WSCD1: variants seen among roughly 807,000 people sequenced by gnomAD.
WSCD1 encodes WSC domain sialate O sulfotransferase 1, also known as sialate:O-sulfotransferase 1.
Under a neutral mutation model 60.4 loss-of-function variants are expected in WSCD1, and 41 were observed. The ratio of observed to expected loss-of-function variants is 0.68; its 90% CI spans 0.53 to 0.88. The LOEUF is 0.88. Among genes scored for constraint, WSCD1 ranks in the 40% least tolerant of loss-of-function variants. The pLI is 0.00. For synonymous variants in WSCD1, 361 were observed against 332.5 expected (o/e 1.09, Z -0.93); for missense variants, 784 against 796.2 (o/e 0.98, Z 0.18).
At position 6,120,716 on chromosome 17, in the gene WSCD1, T is replaced by C; in HGVS notation, c.*55T>C. The C allele has an allele frequency of 6.5e-7, 1 of 1,537,988 alleles. No individual in the cohort carries two copies. The highest frequency in any genetic ancestry group is 2.3e-5 in the East Asian group (1 of 44,192). On this transcript the variant is annotated 3_prime_UTR_variant, in exon 9 of 9. Coordinates refer to ENST00000317744, the MANE Select transcript of WSCD1 (RefSeq NM_015253.2). The stretch of plus-strand genomic sequence containing the variant: ...GAGTGACGCAATCGCACCACGGGGC[T>C]GCGCTCCCCACTCTGATGCTCAGGC...
chr17:6,100,863 G>T (rs1910756844), intron 5 of WSCD1, among the ~76,000 whole-genome samples: 1 of 152,200 alleles, frequency 6.6e-6, no homozygotes, highest in Admixed American at 6.5e-5. Context: ...CCCAGTCATG[G>T]CCCATATCCC....
At chr17:6,106,565 A>G (rs1597367067) in intron 5 of WSCD1, among the ~76,000 whole-genome samples, 1 of 152,242 alleles carries the variant, frequency 6.6e-6, no homozygotes, top group Admixed American at 6.5e-5. Flanking sequence ...AAACGAATCC[A>G]TGGTGATAGA....
chr17:6,088,786 C>CTTT (rs35155693), intron 3 of WSCD1, among the ~76,000 whole-genome samples: 6,904 of 139,436 alleles, frequency 0.05, 614 homozygotes, highest in African/African-American at 0.17. Flanking sequence ...TTTTTTTCAC[C>CTTT]TTTTTTTTTT....
rs144010064 is a variant in WSCD1 at position 6,103,397 on chromosome 17, T to C, written c.850-6210T>C. 4.1e-3 allele frequency among the ~76,000 whole-genome samples: 624 copies of C among 152,276 alleles called. 6 individuals carry two copies. The highest frequency in any genetic ancestry group is 0.014 in the African/African-American group (600 of 41,556). ...CAGGTCAGTGGAAAGCCAGGTACCT[T>C]AGGATCCCAATGGTTGGGCGGTTCT... On this transcript the variant is annotated intron_variant, in intron 5 of 8. Transcript: ENST00000317744.
chr17:6,070,033 G>T (rs1908426722), upstream of WSCD1, among the ~76,000 whole-genome samples: 1 of 151,812 alleles, frequency 6.6e-6, no homozygotes, highest in Admixed American at 6.6e-5. Flanking sequence ...GAGTGGCGGC[G>T]TGCTCTCCTC....
Position 6,077,168 on chromosome 17 carries a change from A to C in WSCD1, c.-288-3203A>C, listed in dbSNP as rs543889253. Among the ~76,000 whole-genome samples the C allele has an allele frequency of 4.0e-5, 6 of 149,032 alleles. No homozygotes were observed. The South Asian group carries it at 1.3e-3, about 32-fold the overall frequency. Reference sequence around the variant, plus strand: ...CAGTGGTGTGATCTTGGCTCACTGCAACCTCCGCCTCCCAGGTTTAAGCAT... The same window carrying C: ...CAGTGGTGTGATCTTGGCTCACTGCCACCTCCGCCTCCCAGGTTTAAGCAT... On this transcript the variant is annotated intron_variant, in intron 1 of 8. Coordinates refer to ENST00000317744, the MANE Select transcript of WSCD1 (RefSeq NM_015253.2).
intron 2 of WSCD1, among the ~76,000 whole-genome samples, chr17:6,084,123 C>A (rs1909463520): frequency 6.6e-6 from 1 of 152,216 alleles, no homozygotes; most frequent in Non-Finnish European, 1.5e-5. Context: ...TCCCAGACCT[C>A]CCCCTTATCC....
intron 2 of WSCD1, among the ~76,000 whole-genome samples, chr17:6,085,936 T>G (rs1266874045): frequency 6.6e-6 from 1 of 152,096 alleles, no homozygotes; most frequent in African/African-American, 2.4e-5. Flanking sequence ...GGACTGGATG[T>G]CTGGGCAGTG....
chr17:6,116,546 C>T (rs748593980), intron 7 of WSCD1, among the ~76,000 whole-genome samples: 2 of 152,158 alleles, frequency 1.3e-5, no homozygotes, highest in African/African-American at 2.4e-5. Flanking sequence ...GAAGGCACCC[C>T]GGGTCTCAGG....
intron 4 of WSCD1, among the ~76,000 whole-genome samples, chr17:6,091,964 G>A (rs1371931734): frequency 6.6e-6 from 1 of 152,144 alleles, no homozygotes; most frequent in Non-Finnish European, 1.5e-5. Flanking sequence ...AGACCAGCCT[G>A]ACCAACATGG....
At chr17:6,071,072 C>CAGCT (rs1908513738) in intron 1 of WSCD1, 2 of 152,254 alleles carry the variant, frequency 1.3e-5, no homozygotes, top group South Asian at 4.1e-4. Flanking sequence ...TACCCAGAAG[C>CAGCT]AGCTCCCTCT....
intron 5 of WSCD1, among the ~76,000 whole-genome samples, chr17:6,104,680 A>G (rs1910988041): frequency 1.3e-5 from 2 of 152,112 alleles, no homozygotes; most frequent in South Asian, 2.1e-4. Flanking sequence ...CTGCCTCTGG[A>G]GTGAAGGGAA....
intron 5 of WSCD1, among the ~76,000 whole-genome samples, chr17:6,108,318 G>T (rs1911217239): frequency 6.6e-6 from 1 of 152,162 alleles, no homozygotes; most frequent in Non-Finnish European, 1.5e-5. Context: ...TTTGTGCAGT[G>T]TTCCCCTTAG....
rs370289534 is a variant in WSCD1 at position 6,080,624 on chromosome 17, C to T, written c.-35C>T. 2.8e-5 allele frequency: 45 copies of T among 1,607,712 alleles called. No homozygotes were observed. Among genetic ancestry groups the T allele is most frequent in the South Asian group, 1.9e-4 (17 of 90,616 alleles). ...CCCACCTGGGCGCTAGGAGCCATCC[C>T]GGGGCTCCAGCCAGGAGCCCTGCTG... On this transcript the variant is annotated 5_prime_UTR_variant, in exon 2 of 9. Transcript: ENST00000317744. The surrounding 1 kb of genome is among the most constrained non-coding windows in gnomAD (Gnocchi z 6.6).
intron 5 of WSCD1, among the ~76,000 whole-genome samples, chr17:6,108,659 G>A (rs1911238634): frequency 6.6e-6 from 1 of 152,194 alleles, no homozygotes; most frequent in Non-Finnish European, 1.5e-5. Context: ...AACCTACAAG[G>A]CAGATTTTAT....
At chr17:6,093,929 C>T (rs763844800) in intron 4 of WSCD1, among the ~76,000 whole-genome samples, 3 of 152,226 alleles carry the variant, frequency 2.0e-5, no homozygotes, top group Non-Finnish European at 4.4e-5. Context: ...CGTGCCCTGA[C>T]ACGTGCACCA....
intron 5 of WSCD1, among the ~76,000 whole-genome samples, chr17:6,107,542 G>A (rs1429085117): frequency 2.0e-5 from 3 of 151,970 alleles, no homozygotes; most frequent in South Asian, 4.2e-4. Context: ...TCCAAATAAG[G>A]TCCCATTCTA....
Position 6,088,053 on chromosome 17 carries a change from A to C in WSCD1, c.491A>C (p.Tyr164Ser). Residue 164 changes from tyrosine (Y) to serine (S), a missense_variant, in exon 3 of 9, where the codon TAT (tyrosine) becomes TCT (serine). Transcript: ENST00000317744. Reference protein sequence around the residue: ...HERTLKGAVFYDLRKMTVSHC... With the variant: ...HERTLKGAVFSDLRKMTVSHC... The stretch of plus-strand genomic sequence containing the variant: ...AGGACTCTGAAAGGAGCTGTGTTTT[A>C]TGACTTGAGAAAGATGACTGTCTCC... 1 of 1,614,162 alleles carries C rather than the reference A, an allele frequency of 6.2e-7. No homozygotes were observed.
At chr17:6,079,008 C>T (rs2150529628) in intron 1 of WSCD1, among the ~76,000 whole-genome samples, 1 of 152,320 alleles carries the variant, frequency 6.6e-6, no homozygotes, top group African/African-American at 2.4e-5. Flanking sequence ...TTGCTGATTA[C>T]TGAGTCTGCT....
Sources: gnomAD v4.1 joint callset for allele counts (sites outside exome capture counted in the v4.1 genomes callset) on GRCh38, gnomAD v4.1.1 for gene constraint, Gnocchi (gnomAD v3.1) non-coding constraint, MANE v1.5 for transcripts, NCBI Gene and HGNC (gene_info 2026-07-23, HGNC 2026-07-21) for gene names.